The following DHRS7B variants were observed in gnomAD, a reference collection of about 807,000 sequenced individuals.
DHRS7B encodes the protein peroxisomal reductase activating PPAR-gamma.
A neutral mutation model predicts 26.4 loss-of-function variants in DHRS7B; 24 were observed. The observed-to-expected ratio is 0.91, with a 90% CI of 0.66 to 1.28. The LOEUF (loss-of-function observed/expected upper bound fraction) is 1.28. Ranked by LOEUF, DHRS7B falls within the 50% of genes most tolerant of loss-of-function variation. The pLI is 0.00. For synonymous variants in DHRS7B, 142 were observed against 166.4 expected, an observed-to-expected ratio of 0.85 and a Z score of 1.13; for missense variants, 368 against 419.4, an observed-to-expected ratio of 0.88 and a Z score of 1.07.
chr17:21,144,794 G>C (rs1973605208), intron 1 of DHRS7B, among the ~76,000 whole-genome samples: 1 of 151,944 alleles, frequency 6.6e-6, no homozygotes, highest in African/African-American at 2.4e-5. Context: ...CTCCAGCCTG[G>C]GTGACAGAGT....
intron 1 of DHRS7B, among the ~76,000 whole-genome samples, chr17:21,129,976 G>T (rs4985830): frequency 7.2e-5 from 11 of 152,012 alleles, no homozygotes; most frequent in Non-Finnish European, 1.3e-4. Context: ...GTGCTACCTA[G>T]TTACTTTTTT....
At chr17:21,139,375 C>A (rs1207754799) in intron 1 of DHRS7B, among the ~76,000 whole-genome samples, 2 of 152,120 alleles carry the variant, frequency 1.3e-5, no homozygotes, top group South Asian at 2.1e-4. Context: ...TGGCAGAGAA[C>A]TATGAAACTG....
At chr17:21,130,215 T>G in intron 1 of DHRS7B, among the ~76,000 whole-genome samples, 1 of 152,108 alleles carries the variant, frequency 6.6e-6, no homozygotes, top group Non-Finnish European at 1.5e-5. Flanking sequence ...CTGGCCAACA[T>G]GGCGAACCCC....
intron 1 of DHRS7B, among the ~76,000 whole-genome samples, chr17:21,129,657 A>G (rs1973183807): frequency 6.7e-6 from 1 of 150,122 alleles, no homozygotes. Flanking sequence ...GTAAACTGTG[A>G]TAATACTACG....
At chr17:21,171,243 G>T (rs767216588) in intron 1 of DHRS7B, among the ~76,000 whole-genome samples, 2 of 152,246 alleles carry the variant, frequency 1.3e-5, no homozygotes, top group Admixed American at 6.5e-5. Flanking sequence ...AATGGGGGAG[G>T]TTCAGGGGAA....
rs1567631166 is a variant in DHRS7B at position 21,187,114 on chromosome 17, A to AT, written c.620-1597_620-1596insT. Reference sequence around the variant, plus strand: ...TAAAAGATATATATATATATATATAAAATATATAAAATGTGTAAAATCACA... The same window carrying AT: ...TAAAAGATATATATATATATATATAATAATATATAAAATGTGTAAAATCACA... On this transcript the variant is annotated intron_variant, in intron 5 of 6. Coordinates refer to ENST00000395511, the MANE Select transcript of DHRS7B (RefSeq NM_015510.5). Among the ~76,000 whole-genome samples, 12 of 100,238 alleles carry AT rather than the reference A, an allele frequency of 1.2e-4. No individual in the cohort carries two copies. In the South Asian group the frequency reaches 1.9e-3, roughly 16 times the overall value. The allele number at this position is 100,238 out of a possible 152,430, so 65.8% of individuals were successfully genotyped here.
chr17:21,129,704 C>CAA (rs61077377), intron 1 of DHRS7B, among the ~76,000 whole-genome samples: 10,191 of 74,598 alleles, frequency 0.14, 720 homozygotes, highest in Middle Eastern at 0.21. Flanking sequence ...GACCCTGACT[C>CAA]AAAAAAAAAA....
rs1040330515 is a variant in DHRS7B, at chr17:21,191,043, G to C, written c.868G>C (p.Ala290Pro). ...VGKKKKDVIL[A>P]DLLPSLAVYL... ...GAAGAAGAAGAAAGATGTGATCCTGGCTGACTTACTGCCTTCCTTGGCTGT... is the reference window on the plus strand; with the variant it reads ...GAAGAAGAAGAAAGATGTGATCCTGCCTGACTTACTGCCTTCCTTGGCTGT... Residue 290 changes from alanine (A) to proline (P), a missense_variant, in exon 7 of 7, where the codon GCT becomes CCT. Physicochemically the swap from Ala to Pro is conservative, Grantham distance 27. Transcript: ENST00000395511. 2.6e-5 allele frequency: 42 copies of C among 1,614,144 alleles called. No homozygotes were observed. The highest frequency in any genetic ancestry group is 3.5e-5 in the Non-Finnish European group (41 of 1,180,060).
At chr17:21,175,089 C>T (rs1377593255) in intron 2 of DHRS7B, among the ~76,000 whole-genome samples, 1 of 152,216 alleles carries the variant, frequency 6.6e-6, no homozygotes, top group African/African-American at 2.4e-5. Context: ...GCACCTCTTT[C>T]CCGAAGACTG....
chr17:21,133,551 T>C (rs764279562), intron 1 of DHRS7B, among the ~76,000 whole-genome samples: 1 of 152,226 alleles, frequency 6.6e-6, no homozygotes, highest in Non-Finnish European at 1.5e-5. Context: ...TGACTTTGAA[T>C]AGAATGGGAG....
In DHRS7B at chr17:21,183,763, A is replaced by G. The variant is rs1974567360; in HGVS notation, c.479A>G (p.Lys160Arg). The change falls in exon 4 of 7, where the codon AAG (lysine) becomes AGG (arginine). Residue 160 changes from lysine (K) to arginine (R), a missense_variant. Physicochemically the swap from Lys to Arg is conservative, Grantham distance 26. Transcript: ENST00000395511. ...ATGGACACCACAGTGGATGTGGACA[A>G]GAGGGTCATGGAGACAAACTACTTT... is the stretch of plus-strand genomic sequence containing the variant. ...TIMDTTVDVD[K>R]RVMETNYFGP... The G allele has an allele frequency of 3.1e-6, 5 of 1,614,124 alleles. No homozygotes were observed. The highest frequency in any genetic ancestry group is 1.7e-5 in the Admixed American group (1 of 60,006).
chr17:21,187,802 A>G (rs1974678494), intron 5 of DHRS7B, among the ~76,000 whole-genome samples: 1 of 150,694 alleles, frequency 6.6e-6, no homozygotes, highest in Non-Finnish European at 1.5e-5. Flanking sequence ...TTTACCCAGT[A>G]GTCATTCAGT....
At chr17:21,139,882 A>G (rs1424994468) in intron 1 of DHRS7B, among the ~76,000 whole-genome samples, 2 of 152,026 alleles carry the variant, frequency 1.3e-5, no homozygotes, top group Non-Finnish European at 2.9e-5. Context: ...TTTAAAGCCA[A>G]TTACCTAGAG....
chr17:21,187,893 G>A (rs1024989085), intron 5 of DHRS7B, among the ~76,000 whole-genome samples: 6 of 151,392 alleles, frequency 4.0e-5, no homozygotes, highest in Non-Finnish European at 8.8e-5. Flanking sequence ...CTGTCGCCCA[G>A]GCTGGAGTGC....
intron 1 of DHRS7B, among the ~76,000 whole-genome samples, chr17:21,143,316 C>G (rs1471018951): frequency 1.3e-5 from 2 of 152,174 alleles, no homozygotes; most frequent in Non-Finnish European, 2.9e-5. Flanking sequence ...GCAGCCTTGG[C>G]CTCCCAAAAT....
intron 1 of DHRS7B, among the ~76,000 whole-genome samples, chr17:21,131,805 C>A (rs1274506708): frequency 6.6e-6 from 1 of 152,172 alleles, no homozygotes; most frequent in Non-Finnish European, 1.5e-5. Flanking sequence ...ACACTAATTT[C>A]TGAAGGGGAT....
At chr17:21,160,259 A>G (rs1423858962) in intron 1 of DHRS7B, among the ~76,000 whole-genome samples, 3 of 152,202 alleles carry the variant, frequency 2.0e-5, no homozygotes, top group Non-Finnish European at 4.4e-5. Context: ...CGGAAGGCTG[A>G]GGCAGGAGAA....
At chr17:21,178,415 C>G (rs1193470628) in intron 3 of DHRS7B, 73 bp downstream of exon 3, 2 of 1,261,954 alleles carry the variant, frequency 1.6e-6, no homozygotes, top group East Asian at 4.7e-5. Flanking sequence ...AGATAGTGGC[C>G]CACTCCTGGA....
At chr17:21,190,192 A>G (rs1974744164) in intron 6 of DHRS7B, among the ~76,000 whole-genome samples, 1 of 151,624 alleles carries the variant, frequency 6.6e-6, no homozygotes, top group Non-Finnish European at 1.5e-5. Flanking sequence ...GTGGTTTCAC[A>G]TGGTCTGTGC....
Sources: allele counts gnomAD v4.1 joint callset (sites outside exome capture counted in the v4.1 genomes callset), GRCh38; gene constraint gnomAD v4.1.1; transcripts MANE v1.5; gene names NCBI Gene and HGNC (gene_info 2026-07-23, HGNC 2026-07-21).